Variants in TTLL4 observed in about 807,000 individuals in gnomAD.
The protein encoded by TTLL4 is tubulin monoglutamylase TTLL4.
A neutral mutation model predicts 122.7 loss-of-function variants in TTLL4; 85 were observed. The observed-to-expected ratio is 0.69, with a 90% confidence interval of 0.58 to 0.83. The LOEUF (loss-of-function observed/expected upper bound fraction) is 0.83, where lower values mean the gene tolerates loss of function less well. Among genes scored for constraint, TTLL4 ranks in the 40% least tolerant of loss-of-function variants. The pLI is 0.00. For missense variants in TTLL4, 1,363 were observed against 1,488.6 expected, an observed-to-expected ratio of 0.92 and a Z score of 1.39; for synonymous variants, 553 against 563.0, an observed-to-expected ratio of 0.98 and a Z score of 0.25.
At chr2:218,751,981 C>T (rs1180724809) in intron 16 of TTLL4, among the ~76,000 whole-genome samples, 175 bp downstream of exon 16, 1 of 142,804 alleles carries the variant, frequency 7.0e-6, no homozygotes, top group Non-Finnish European at 1.5e-5. Context: ...GATCTCAGCT[C>T]ACTGCAACCT....
intron 14 of TTLL4, among the ~76,000 whole-genome samples, chr2:218,749,615 G>A (rs192436110): frequency 2.6e-3 from 402 of 152,142 alleles, no homozygotes; most frequent in Non-Finnish European, 3.4e-3. Context: ...CTACAGGCAT[G>A]CACCACCACA....
rs1271689766 is a variant in TTLL4, at chr2:218,739,178, T to C, written c.1487+15T>C. 3 of 1,601,854 alleles carry C rather than the reference T, an allele frequency of 1.9e-6. No individual in the cohort carries two copies. The highest frequency in any genetic ancestry group is 2.6e-6 in the Non-Finnish European group (3 of 1,176,182). ...AGGGATATTAGGTATGTTGGCAATGTTTTTGGTTCATTTAGAGCAGTAGAA... is the reference window on the plus strand; with the variant it reads ...AGGGATATTAGGTATGTTGGCAATGCTTTTGGTTCATTTAGAGCAGTAGAA... On this transcript the variant is annotated intron_variant, in intron 3 of 19. Transcript: ENST00000392102.
chr2:218,745,640 C>T (rs771420332), intron 6 of TTLL4, 51 bp from the exon 7 acceptor site: 2 of 1,251,300 alleles, frequency 1.6e-6, no homozygotes, highest in Admixed American at 3.9e-5. Flanking sequence ...CTCATCATGA[C>T]TCTCTGCTCC....
chr2:218,720,710 G>A (rs1942010770), intron 1 of TTLL4, among the ~76,000 whole-genome samples: 1 of 151,966 alleles, frequency 6.6e-6, no homozygotes, highest in South Asian at 2.1e-4. Flanking sequence ...TACATAATTG[G>A]GGTGTGCCCC....
chr2:218,724,434 A>G (rs781449485), intron 1 of TTLL4, among the ~76,000 whole-genome samples: 8 of 151,594 alleles, frequency 5.3e-5, no homozygotes, highest in Non-Finnish European at 1.2e-4. Context: ...CCTTCCCCCT[A>G]CTCTTCCTGG....
At chr2:218,743,446 C>T (rs1374110554) in intron 5 of TTLL4, among the ~76,000 whole-genome samples, 2 of 152,072 alleles carry the variant, frequency 1.3e-5, no homozygotes, top group Non-Finnish European at 2.9e-5. Context: ...AACCGTACAC[C>T]TGTTGAAGGA....
At position 218,751,863 on chromosome 2, in the gene TTLL4, G is replaced by A. The variant is rs2106462115; in HGVS notation, c.2976+57G>A. The A allele has an allele frequency of 2.2e-6, 3 of 1,335,394 alleles. No individual in the cohort carries two copies. The South Asian group carries it at 4.1e-5, about 18-fold the overall frequency. 82.7% of individuals were successfully genotyped at this position (1,335,394 alleles called of 1,614,324 possible). A position where few individuals can be genotyped will look rare whatever the true frequency, so the allele number is the denominator to read the frequency against. Reference sequence around the variant, plus strand: ...AGAAAACTTCCCTGGTCAAACATTTGGGACCCAAAAGCAAACAGCTTTTCT... The same window carrying A: ...AGAAAACTTCCCTGGTCAAACATTTAGGACCCAAAAGCAAACAGCTTTTCT... On this transcript the variant is annotated intron_variant, in intron 16 of 19. Coordinates refer to ENST00000392102, the MANE Select transcript of TTLL4 (RefSeq NM_014640.5).
chr2:218,746,051 GA>G, intron 7 of TTLL4, 103 bp from the exon 8 acceptor site: 1 of 1,412,956 alleles, frequency 7.1e-7, no homozygotes, highest in Non-Finnish European at 1.0e-6. Flanking sequence ...GCAACTCTTT[GA>G]AAACCAAGTC....
intron 1 of TTLL4, among the ~76,000 whole-genome samples, chr2:218,715,630 C>CTT (rs869275078): frequency 6.8e-6 from 1 of 147,858 alleles, no homozygotes. Flanking sequence ...GAATGATAAT[C>CTT]TTTTTTTTTT....
rs75677398 is a variant in TTLL4 at position 218,754,357 on chromosome 2, A to T, written c.3568A>T (p.Ile1190Phe). Residue 1190 changes from isoleucine (I) to phenylalanine (F), a missense_variant, in exon 20 of 20, where the codon ATC (isoleucine) becomes TTC (phenylalanine). Around this residue, in one of 3 missense-constraint regions of TTLL4, gnomAD observed 596 missense variants for 655.8 expected, o/e 0.91. Transcript: ENST00000392102. Reference sequence around the variant, plus strand: ...TTCTGCTTCCTCCACTTTCCAGTCAATCAGTGACTCCCTCCTGGCTGTGAG... The same window carrying T: ...TTCTGCTTCCTCCACTTTCCAGTCATTCAGTGACTCCCTCCTGGCTGTGAG... ...RLSASSTFQS[I>F]SDSLLAVSP The T allele has an allele frequency of 1.5e-3, 2,346 of 1,614,122 alleles. 29 individuals are homozygous for T. The African/African-American group carries it at 0.024, about 16-fold the overall frequency.
At chr2:218,744,294 G>A (rs1023217764) in intron 5 of TTLL4, among the ~76,000 whole-genome samples, 3 of 152,188 alleles carry the variant, frequency 2.0e-5, no homozygotes, top group Non-Finnish European at 2.9e-5. Context: ...TATTATCTAA[G>A]TTGTAAAGAG....
chr2:218,732,010 A>C (rs568649970), intron 2 of TTLL4, among the ~76,000 whole-genome samples: 3 of 152,242 alleles, frequency 2.0e-5, no homozygotes, highest in Admixed American at 2.0e-4. Context: ...TGCTCCATAA[A>C]ATGTTAGATT....
At chr2:218,757,442 T>G (rs936294816), downstream of TTLL4, among the ~76,000 whole-genome samples, 3 of 152,172 alleles carry the variant, frequency 2.0e-5, no homozygotes, top group Non-Finnish European at 4.4e-5. Flanking sequence ...GCATTAGAAG[T>G]ATGTGAACTG....
At chr2:218,746,922 G>T (rs1354908741) in intron 8 of TTLL4, 81 bp from the exon 9 acceptor site, 2 of 1,470,424 alleles carry the variant, frequency 1.4e-6, no homozygotes, top group Non-Finnish European at 1.8e-6. Context: ...AAAGAAGTTG[G>T]AATGGTAGAA....
chr2:218,745,907 G>A (rs1942830543), intron 7 of TTLL4, 106 bp downstream of exon 7: 7 of 1,073,316 alleles, frequency 6.5e-6, no homozygotes, highest in Non-Finnish European at 9.9e-6. Context: ...GGCAGCTGGG[G>A]CCCTCTCCTG....
intron 14 of TTLL4, 28 bp downstream of exon 14, chr2:218,749,415 A>G (rs1218776245): frequency 3.7e-6 from 6 of 1,611,522 alleles, no homozygotes; most frequent in African/African-American, 2.7e-5. Context: ...GACACTCACC[A>G]TAGAATCCTT....
intron 1 of TTLL4, among the ~76,000 whole-genome samples, chr2:218,717,086 A>T (rs557546868): frequency 1.5e-4 from 22 of 151,634 alleles, no homozygotes; most frequent in Middle Eastern, 3.4e-3. Flanking sequence ...GGCTCAGGTG[A>T]TCCTCCTACC....
At chr2:218,757,286 A>G (rs144791823), downstream of TTLL4, among the ~76,000 whole-genome samples, 906 of 152,258 alleles carry the variant, frequency 6.0e-3, 9 homozygotes, top group African/African-American at 0.02. Context: ...GGGTCTAGAT[A>G]GCTCATGGCC....
intron 14 of TTLL4, 45 bp downstream of exon 14, chr2:218,749,432 T>C: frequency 6.2e-7 from 1 of 1,607,068 alleles, no homozygotes; most frequent in South Asian, 1.1e-5. Flanking sequence ...CCTTCCATTA[T>C]TCTCACGCTC....
Sources: gnomAD v4.1 joint callset for allele counts (sites outside exome capture counted in the v4.1 genomes callset) on GRCh38, gnomAD v4.1.1 for gene constraint, gnomAD v4.1.1 regional missense constraint, MANE v1.5 for transcripts, NCBI Gene and HGNC (gene_info 2026-07-23, HGNC 2026-07-21) for gene names.